The following FKBP15 variants were observed in gnomAD, a reference collection of about 807,000 sequenced individuals.
The protein encoded by FKBP15 is FKBP prolyl isomerase family member 15.
A neutral mutation model predicts 158.1 loss-of-function variants in FKBP15; 106 were observed. That is an observed-to-expected ratio of 0.67 (90% CI 0.57 to 0.79). FKBP15 has a LOEUF of 0.79. Ranked by LOEUF, FKBP15 falls within the 30% of genes least tolerant of loss-of-function variation. The pLI is 0.00. For synonymous variants in FKBP15, 547 were observed against 548.6 expected, an observed-to-expected ratio of 1.00 and a Z score of 0.04; for missense variants, 1,287 against 1,479.1, an observed-to-expected ratio of 0.87 and a Z score of 2.13.
intron 1 of FKBP15, among the ~76,000 whole-genome samples, chr9:113,217,065 G>A (rs751153188): frequency 1.3e-5 from 2 of 151,406 alleles, no homozygotes; most frequent in African/African-American, 4.9e-5. Flanking sequence ...CACCAGGCCT[G>A]GCTAATTTTT....
chr9:113,184,625 T>G lies in FKBP15; in HGVS notation c.1608+70A>C. On this transcript the variant is annotated intron_variant, in intron 16 of 27. Coordinates refer to ENST00000238256, the MANE Select transcript of FKBP15 (RefSeq NM_015258.2). This position sits in a 1 kb window ranked among gnomAD's most constrained non-coding sequence, Gnocchi z 4.5. ...CAATGCAGGAAATCAAAGAAGAGTTTACCTACAGTTCTGGCTGCTCCCTGT... is the reference window on the plus strand; with the variant it reads ...CAATGCAGGAAATCAAAGAAGAGTTGACCTACAGTTCTGGCTGCTCCCTGT... 8.0e-7 allele frequency: 1 copy of G among 1,245,632 alleles called. No individual in the cohort carries two copies. Among genetic ancestry groups the G allele is most frequent in the African/African-American group, 1.5e-5 (1 of 67,492 alleles). The allele number at this position is 1,245,632 out of a possible 1,614,324, so 77.2% of individuals were successfully genotyped here.
intron 4 of FKBP15, 89 bp from the exon 5 acceptor site, chr9:113,203,124 A>G (rs1564180762): frequency 8.1e-6 from 7 of 869,424 alleles, no homozygotes; most frequent in East Asian, 2.6e-5. Context: ...AAAATCAGCA[A>G]TAAGTATCAA....
At position 113,193,627 on chromosome 9, in the gene FKBP15, A is replaced by G. The variant is rs1830615951; in HGVS notation, c.1008-78T>C. 3.3e-6 allele frequency: 4 copies of G among 1,230,336 alleles called. No homozygotes were observed. In the African/African-American group the frequency reaches 4.5e-5, roughly 14 times the overall value. 76.2% of individuals were successfully genotyped at this position (1,230,336 alleles called of 1,614,324 possible). A position where few individuals can be genotyped will look rare whatever the true frequency, so the allele number is the denominator to read the frequency against. Reference sequence around the variant, plus strand: ...AGTCCAAATTATATTGGATAAGCAAATTGTTTTTTTAAATGTGTGCCAATT... The same window carrying G: ...AGTCCAAATTATATTGGATAAGCAAGTTGTTTTTTTAAATGTGTGCCAATT... On this transcript the variant is annotated intron_variant, in intron 10 of 27. Transcript: ENST00000238256.
rs1302528688 is a variant in FKBP15 at position 113,198,912 on chromosome 9, G to C, written c.660C>G (p.Ser220=). 6.2e-7 allele frequency: 1 copy of C among 1,602,242 alleles called. No individual in the cohort carries two copies. The highest frequency in any genetic ancestry group is 1.7e-5 in the Admixed American group (1 of 58,492). ...GAAGCAACTTATCTTTGTTAGCAGT[G>C]GAGTCGAAAACCTGCAATTTGATCG... ...QNHVLGQVFD[S]TANKDKLLRL... is the part of the protein sequence containing the mutation. The change falls in exon 8 of 28, where the codon TCC becomes TCG. Residue 220 remains serine, a synonymous_variant. Transcript: ENST00000238256. This position sits in a 1 kb window ranked among gnomAD's most constrained non-coding sequence, Gnocchi z 5.2.
In FKBP15 at chr9:113,203,034, T is replaced by A; in HGVS notation, c.326A>T (p.Tyr109Phe). 1 of 1,606,246 alleles carries A rather than the reference T, an allele frequency of 6.2e-7. No individual in the cohort carries two copies. Among genetic ancestry groups the A allele is most frequent in the Non-Finnish European group, 8.5e-7 (1 of 1,175,854 alleles). The change falls in exon 5 of 28, where the codon TAT (tyrosine) becomes TTT (phenylalanine). Residue 109 changes from tyrosine (Y) to phenylalanine (F), a missense_variant and splice_region_variant. By Grantham distance (22) the Tyr-to-Phe change is conservative. Coordinates refer to ENST00000238256, the MANE Select transcript of FKBP15 (RefSeq NM_015258.2). ...TTGACTGATATAAAGAAGAATCCTATACTGTAGACAAGCAACGACAGATAG... is the reference window on the plus strand; with the variant it reads ...TTGACTGATATAAAGAAGAATCCTAAACTGTAGACAAGCAACGACAGATAG... ...AVLGNHTAREYRILLYISQQQ... is the reference protein window; with the variant it reads ...AVLGNHTAREFRILLYISQQQ...
intron 11 of FKBP15, among the ~76,000 whole-genome samples, chr9:113,192,001 G>T (rs1244691998): frequency 6.7e-6 from 1 of 150,368 alleles, no homozygotes; most frequent in Non-Finnish European, 1.5e-5. Flanking sequence ...CATGTAACGT[G>T]AATTTTGCCT....
chr9:113,171,457 A>C (rs1422921643), intron 24 of FKBP15, 124 bp downstream of exon 24: 1 of 1,240,754 alleles, frequency 8.1e-7, no homozygotes, highest in African/African-American at 1.5e-5. Context: ...GTTCATTTTA[A>C]AGTCATCAGA....
chr9:113,211,423 T>C (rs1043254111), intron 2 of FKBP15, 54 bp downstream of exon 2: 1 of 1,419,908 alleles, frequency 7.0e-7, no homozygotes, highest in East Asian at 2.5e-5. Flanking sequence ...CCTCCCAAAG[T>C]GCTGGGATTA....
At chr9:113,167,692 GA>G (rs1830119833) in intron 27 of FKBP15, among the ~76,000 whole-genome samples, 1 of 152,130 alleles carries the variant, frequency 6.6e-6, no homozygotes. Context: ...CCTTTAGATG[GA>G]CTGAGCCTGA....
Position 113,221,216 on chromosome 9 carries a change from T to G in FKBP15, c.28A>C (p.Thr10Pro). 1 of 1,610,374 alleles carries G rather than the reference T, an allele frequency of 6.2e-7. No individual in the cohort carries two copies. Among genetic ancestry groups the G allele is most frequent in the Non-Finnish European group, 8.5e-7 (1 of 1,178,306 alleles). ...CCGCCGCTCGGCGAGAGGAAATCGG[T>G]GTCGTCCTCGTCCCCCGCACCGAAC... MFGAGDEDD[T>P]DFLSPSGGAR... is the part of the protein sequence containing the mutation. The change falls in exon 1 of 28, where the codon ACC becomes CCC. Residue 10 changes from threonine (T) to proline (P), a missense_variant. Transcript: ENST00000238256.
intron 11 of FKBP15, among the ~76,000 whole-genome samples, chr9:113,192,314 G>T (rs16926542): frequency 6.6e-6 from 1 of 152,328 alleles, no homozygotes; most frequent in African/African-American, 2.4e-5. Flanking sequence ...GGGTTGCAGA[G>T]ATATTAGCAC....
At chr9:113,170,668 C>A in intron 24 of FKBP15, 39 bp from the exon 25 acceptor site, 1 of 1,483,166 alleles carries the variant, frequency 6.7e-7, no homozygotes, top group South Asian at 1.1e-5. Context: ...AAAATCAAGT[C>A]ACTAAAGGAT....
chr9:113,216,083 G>GGAAAAAAA lies in FKBP15; in HGVS notation c.54-4492_54-4491insTTTTTTTC, dbSNP rs1554718976. ...GGGTTGGACACAACCTTTATTTTGT[G>GGAAAAAAA]AAAAAAAAAAAAAAAAAAATCTGCA... On this transcript the variant is annotated intron_variant, in intron 1 of 27. Coordinates refer to ENST00000238256, the MANE Select transcript of FKBP15 (RefSeq NM_015258.2). 5.8e-5 allele frequency among the ~76,000 whole-genome samples: 5 copies of GGAAAAAAA among 85,980 alleles called. No homozygotes were observed. In the Admixed American group the frequency reaches 6.0e-4, roughly 10 times the overall value. The allele number at this position is 85,980 out of a possible 152,430, so 56.4% of individuals were successfully genotyped here.
chr9:113,175,920 A>G (rs1830292072), intron 21 of FKBP15, among the ~76,000 whole-genome samples: 1 of 152,214 alleles, frequency 6.6e-6, no homozygotes. Flanking sequence ...CTGAAAGTGT[A>G]AGCACTATTC....
At chr9:113,166,974 AG>A (rs752690079) in intron 27 of FKBP15, among the ~76,000 whole-genome samples, 7 of 152,310 alleles carry the variant, frequency 4.6e-5, no homozygotes, top group Non-Finnish European at 7.4e-5. Flanking sequence ...CCATCTTCAC[AG>A]GGCCAGGCAA....
chr9:113,173,781 A>C (rs1181515575), intron 22 of FKBP15, among the ~76,000 whole-genome samples, 176 bp from the exon 23 acceptor site: 1 of 152,188 alleles, frequency 6.6e-6, no homozygotes, highest in Non-Finnish European at 1.5e-5. Context: ...TTAAGATGTC[A>C]TTGGTTGTCA....
intron 1 of FKBP15, among the ~76,000 whole-genome samples, chr9:113,215,793 G>A (rs2118961581): frequency 6.6e-6 from 1 of 151,112 alleles, no homozygotes; most frequent in African/African-American, 2.4e-5. Context: ...AGGATTACAG[G>A]CGTGCATCAC....
At chr9:113,187,741 C>A (rs572155616) in intron 14 of FKBP15, 52 bp downstream of exon 14, 1 of 1,398,832 alleles carries the variant, frequency 7.1e-7, no homozygotes, top group South Asian at 1.2e-5. Flanking sequence ...AAGAGACTGA[C>A]TAGAACCACA....
At chr9:113,172,531 C>T (rs1281749655) in intron 23 of FKBP15, among the ~76,000 whole-genome samples, 1 of 152,158 alleles carries the variant, frequency 6.6e-6, no homozygotes, top group Non-Finnish European at 1.5e-5. Flanking sequence ...GTCTTAACCT[C>T]GCCTAGGTCT....
Sources: gnomAD v4.1 joint callset for allele counts (sites outside exome capture counted in the v4.1 genomes callset) on GRCh38, gnomAD v4.1.1 for gene constraint, Gnocchi (gnomAD v3.1) non-coding constraint, MANE v1.5 for transcripts, NCBI Gene and HGNC (gene_info 2026-07-23, HGNC 2026-07-21) for gene names.